The following ARID4B variants were observed in gnomAD, a reference collection of about 807,000 sequenced individuals.
ARID4B encodes AT-rich interaction domain 4B.
Under a neutral mutation model 147.5 loss-of-function variants are expected in ARID4B, and 26 were observed. The observed-to-expected ratio is 0.18, with a 90% CI of 0.13 to 0.24. The LOEUF is 0.24. Among genes scored for constraint, ARID4B ranks in the 10% least tolerant of loss-of-function variants. The pLI is 1.00. For synonymous variants in ARID4B, 512 were observed against 507.9 expected, an observed-to-expected ratio of 1.01 and a Z score of -0.11; for missense variants, 1,179 against 1,511.5, an observed-to-expected ratio of 0.78 and a Z score of 3.65.
At chr1:235,217,646 G>T (rs1667189028) in intron 16 of ARID4B, among the ~76,000 whole-genome samples, 1 of 152,070 alleles carries the variant, frequency 6.6e-6, no homozygotes, top group South Asian at 2.1e-4. Context: ...TATGGCCAAG[G>T]CACTGAACTA....
intron 21 of ARID4B, among the ~76,000 whole-genome samples, chr1:235,175,907 T>C (rs771544357): frequency 6.6e-6 from 1 of 152,200 alleles, no homozygotes; most frequent in Non-Finnish European, 1.5e-5. Flanking sequence ...ATAACTCCTA[T>C]GCTGTGGGTT....
In ARID4B at chr1:235,246,470, G is replaced by A; in HGVS notation, c.396C>T (p.Gly132=). 6.2e-7 allele frequency: 1 copy of A among 1,613,804 alleles called. No individual in the cohort carries two copies. Among genetic ancestry groups the A allele is most frequent in the Non-Finnish European group, 8.5e-7 (1 of 1,179,736 alleles). ...QLPLTNPEHF[G]TPVIGKKTNR... is the part of the protein sequence containing the mutation. ...TTGTTTTCTTTCCTATGACTGGAGT[G>A]CCAAAATGCTCAGGGTTGGTGAGTG... The change falls in exon 7 of 24, where the codon GGC becomes GGT. Residue 132 remains glycine, a synonymous_variant. Transcript: ENST00000264183.
chr1:235,194,591 C>T (rs899116001), intron 18 of ARID4B, among the ~76,000 whole-genome samples: 1 of 152,052 alleles, frequency 6.6e-6, no homozygotes, highest in African/African-American at 2.4e-5. Context: ...GAGGCCGCGG[C>T]AGGTGGATCA....
chr1:235,206,250 C>T (rs891763654), intron 17 of ARID4B, among the ~76,000 whole-genome samples: 1 of 151,954 alleles, frequency 6.6e-6, no homozygotes, highest in African/African-American at 2.4e-5. Flanking sequence ...ATTAAGTTCA[C>T]TTTTGTAATA....
chr1:235,299,360 CCCA>C (rs933737851), intron 2 of ARID4B, among the ~76,000 whole-genome samples: 5 of 152,230 alleles, frequency 3.3e-5, no homozygotes, highest in Admixed American at 3.3e-4. Context: ...ATTACAGGAG[CCCA>C]CCACCACGCC....
At chr1:235,220,782 T>C (rs780059882) in intron 14 of ARID4B, among the ~76,000 whole-genome samples, 6 of 152,232 alleles carry the variant, frequency 3.9e-5, no homozygotes, top group Non-Finnish European at 7.3e-5. Flanking sequence ...AAAGTATTAG[T>C]AATAGCATCT....
chr1:235,299,167 T>C (rs1364554007), intron 2 of ARID4B, among the ~76,000 whole-genome samples: 1 of 152,214 alleles, frequency 6.6e-6, no homozygotes, highest in Non-Finnish European at 1.5e-5. Flanking sequence ...TACAAGTTCA[T>C]GTACATAAGA....
chr1:235,214,095 T>C (rs1160562938), intron 16 of ARID4B, 69 bp from the exon 17 acceptor site: 9 of 1,506,334 alleles, frequency 6.0e-6, no homozygotes, highest in Non-Finnish European at 6.2e-6. Context: ...CCAAACCACA[T>C]ATATTGATAA....
At chr1:235,276,289 T>C (rs1437145908) in intron 2 of ARID4B, among the ~76,000 whole-genome samples, 1 of 151,940 alleles carries the variant, frequency 6.6e-6, no homozygotes, top group Non-Finnish European at 1.5e-5. Flanking sequence ...CGCTAATTAG[T>C]AGCATTAGCA....
rs1663779661 is a variant in ARID4B at position 235,175,253 on chromosome 1, C to A, written c.3595G>T (p.Asp1199Tyr). ...GGTTCCTTGAGATCAGGATCCTTATCACCATTCTTTCCACATTTTCCTGGA... is the reference window on the plus strand; with the variant it reads ...GGTTCCTTGAGATCAGGATCCTTATAACCATTCTTTCCACATTTTCCTGGA... ...QSPGKCGKNG[D>Y]KDPDLKEPSN... The change falls in exon 22 of 24, where the codon GAT (aspartate) becomes TAT (tyrosine). Residue 1199 changes from aspartate to tyrosine, a missense_variant. Around this residue, in one of 10 missense-constraint regions of ARID4B, gnomAD observed 357 missense variants for 427.3 expected, o/e 0.84. Coordinates refer to ENST00000264183, the MANE Select transcript of ARID4B (RefSeq NM_016374.6). The A allele has an allele frequency of 1.2e-6, 2 of 1,614,058 alleles. No homozygotes were observed. The highest frequency in any genetic ancestry group is 3.3e-5 in the Admixed American group (2 of 60,004).
intron 10 of ARID4B, among the ~76,000 whole-genome samples, chr1:235,230,605 A>AAC (rs1668145859): frequency 7.7e-6 from 1 of 130,030 alleles, no homozygotes; most frequent in Non-Finnish European, 1.7e-5. Flanking sequence ...AAAAAAAAAA[A>AAC]AAAAAAAAAA....
intron 2 of ARID4B, among the ~76,000 whole-genome samples, chr1:235,280,249 A>T (rs1671581742): frequency 6.6e-6 from 1 of 151,528 alleles, no homozygotes; most frequent in South Asian, 2.1e-4. Context: ...TTTTATTTCC[A>T]TTGTCTTATT....
chr1:235,240,280 G>T (rs11581220), intron 8 of ARID4B, 33 bp downstream of exon 8: 177,928 of 1,554,542 alleles, frequency 0.11, 11,132 homozygotes, highest in African/African-American at 0.2. Context: ...TATAAAGTTT[G>T]AAATTAAACT....
chr1:235,178,700 A>T (rs1189195176), intron 20 of ARID4B, among the ~76,000 whole-genome samples: 1 of 152,122 alleles, frequency 6.6e-6, no homozygotes, highest in Non-Finnish European at 1.5e-5. Context: ...GTTATCTCTC[A>T]GACTATATAA....
chr1:235,259,100 C>A (rs1670151194), intron 3 of ARID4B, among the ~76,000 whole-genome samples: 2 of 151,984 alleles, frequency 1.3e-5, no homozygotes, highest in South Asian at 4.1e-4. Context: ...TTTAGGGCAG[C>A]CGAAAAAATT....
intron 3 of ARID4B, 131 bp downstream of exon 3, chr1:235,260,511 G>T: frequency 1.8e-6 from 1 of 570,526 alleles, no homozygotes; most frequent in South Asian, 2.9e-5. Flanking sequence ...AAAATGCTTT[G>T]TTTTGAGGTA....
intron 14 of ARID4B, among the ~76,000 whole-genome samples, chr1:235,220,856 G>A (rs1055898283): frequency 6.6e-6 from 1 of 151,824 alleles, no homozygotes; most frequent in Non-Finnish European, 1.5e-5. Flanking sequence ...AGTCACTACA[G>A]TAACCCTGGG....
intron 8 of ARID4B, among the ~76,000 whole-genome samples, chr1:235,236,156 A>G (rs1481187690): frequency 1.3e-5 from 2 of 152,112 alleles, no homozygotes; most frequent in East Asian, 3.9e-4. Context: ...AATAACATAA[A>G]TTAGAAACAC....
chr1:235,212,679 T>C (rs1233949955), intron 17 of ARID4B, among the ~76,000 whole-genome samples: 1 of 152,190 alleles, frequency 6.6e-6, no homozygotes, highest in African/African-American at 2.4e-5. Flanking sequence ...TATGAGTACA[T>C]TTATATGTAT....
Sources: gnomAD v4.1 joint callset for allele counts (sites outside exome capture counted in the v4.1 genomes callset) on GRCh38, gnomAD v4.1.1 for gene constraint, gnomAD v4.1.1 regional missense constraint, MANE v1.5 for transcripts, NCBI Gene and HGNC (gene_info 2026-07-23, HGNC 2026-07-21) for gene names.